Variants in EEPD1 observed in about 807,000 individuals in gnomAD.
EEPD1 encodes endonuclease/exonuclease/phosphatase family domain-containing protein 1.
In EEPD1, 17 loss-of-function variants were observed where a neutral mutation model predicts 46.3. The ratio of observed to expected loss-of-function variants is 0.37; its 90% CI spans 0.25 to 0.55. The LOEUF (loss-of-function observed/expected upper bound fraction) is 0.55, where lower values mean the gene tolerates loss of function less well. Ranked by LOEUF, EEPD1 falls within the 20% of genes least tolerant of loss-of-function variation. EEPD1 has a pLI of 0.83. For missense variants in EEPD1, 673 were observed against 745.6 expected (o/e 0.90, Z 1.13); for synonymous variants, 313 against 315.6 (o/e 0.99, Z 0.09).
At chr7:36,209,709 G>T (rs560525982) in intron 2 of EEPD1, among the ~76,000 whole-genome samples, 1 of 152,036 alleles carries the variant, frequency 6.6e-6, no homozygotes, top group Non-Finnish European at 1.5e-5. Context: ...GGCAGATCTC[G>T]CGTGAACTAC....
At chr7:36,183,940 G>A (rs759412) in intron 2 of EEPD1, among the ~76,000 whole-genome samples, 145,515 of 150,992 alleles carry the variant, frequency 0.96, 70,366 homozygotes, top group East Asian at 1. Context: ...ACAAACAGCC[G>A]CAAATTCTTT....
At chr7:36,287,447 C>G in intron 5 of EEPD1, 192 bp from the exon 6 acceptor site, 1 of 772,106 alleles carries the variant, frequency 1.3e-6, no homozygotes, top group Non-Finnish European at 2.0e-6. Context: ...CAAAATAGGC[C>G]TTGTTCCTGC....
chr7:36,286,229 C>G lies in EEPD1; in HGVS notation c.1176+1409C>G, dbSNP rs537478645. 3.9e-5 allele frequency among the ~76,000 whole-genome samples: 6 copies of G among 152,302 alleles called. No homozygotes were observed. In the East Asian group the frequency reaches 1.2e-3, roughly 29 times the overall value. On this transcript the variant is annotated intron_variant, in intron 5 of 7. Transcript: ENST00000242108. ...AGCCCCCTAAACAGGCACTTGGCCT[C>G]TTGTACTTCATGTCACATTATAGGC... is the stretch of plus-strand genomic sequence containing the variant.
At chr7:36,248,994 AACACACACACACACAC>A (rs71553052) in intron 3 of EEPD1, among the ~76,000 whole-genome samples, 1 of 135,350 alleles carries the variant, frequency 7.4e-6, no homozygotes, top group South Asian at 2.6e-4. Flanking sequence ...TGGTTCATTA[AACACACACACACACAC>A]ACACACACAC....
chr7:36,155,765 C>A (rs1228363699), intron 2 of EEPD1, among the ~76,000 whole-genome samples: 17 of 152,114 alleles, frequency 1.1e-4, no homozygotes, highest in Admixed American at 1.1e-3. Flanking sequence ...AAAATTGTAG[C>A]CCAAAATGTG....
intron 5 of EEPD1, among the ~76,000 whole-genome samples, chr7:36,285,303 C>G (rs1181135602): frequency 6.6e-6 from 1 of 152,186 alleles, no homozygotes; most frequent in Non-Finnish European, 1.5e-5. Flanking sequence ...TGAGGAGCCC[C>G]TTCTTATCGG....
At chr7:36,256,306 G>T (rs1232038436) in intron 3 of EEPD1, among the ~76,000 whole-genome samples, 2 of 152,184 alleles carry the variant, frequency 1.3e-5, no homozygotes, top group Non-Finnish European at 2.9e-5. Context: ...TATTGATTTG[G>T]GGTGGAGAGT....
intron 2 of EEPD1, among the ~76,000 whole-genome samples, chr7:36,178,427 C>A (rs76651536): frequency 0.015 from 2,325 of 152,208 alleles, 63 homozygotes; most frequent in African/African-American, 0.052. Context: ...CGGGGGCCCT[C>A]CCCCTACACC....
chr7:36,257,423 G>T (rs1786843894), intron 3 of EEPD1, among the ~76,000 whole-genome samples: 1 of 152,142 alleles, frequency 6.6e-6, no homozygotes, highest in Non-Finnish European at 1.5e-5. Flanking sequence ...TGTTTTCCAA[G>T]TTGGTTTCCA....
At chr7:36,186,472 A>G (rs1583795425) in intron 2 of EEPD1, among the ~76,000 whole-genome samples, 1 of 152,226 alleles carries the variant, frequency 6.6e-6, no homozygotes, top group Admixed American at 6.5e-5. Flanking sequence ...CACACCTTCC[A>G]TGGAAGTCTT....
chr7:36,161,492 C>T (rs1385659536), intron 2 of EEPD1, among the ~76,000 whole-genome samples: 1 of 151,968 alleles, frequency 6.6e-6, no homozygotes, highest in Non-Finnish European at 1.5e-5. Flanking sequence ...AGTGTAGTGG[C>T]ATAGTGACAA....
intron 3 of EEPD1, 114 bp downstream of exon 3, chr7:36,239,150 A>C: frequency 9.6e-7 from 1 of 1,037,454 alleles, no homozygotes; most frequent in South Asian, 1.4e-5. Context: ...ACGGTCAGTT[A>C]TTTTGTATTC....
intron 2 of EEPD1, among the ~76,000 whole-genome samples, chr7:36,234,761 C>A (rs559066804): frequency 6.6e-6 from 1 of 151,958 alleles, no homozygotes; most frequent in African/African-American, 2.4e-5. Flanking sequence ...AGAACCTGTG[C>A]GGGTTGCTGG....
intron 2 of EEPD1, among the ~76,000 whole-genome samples, chr7:36,208,135 C>G (rs1785855277): frequency 6.6e-6 from 1 of 152,122 alleles, no homozygotes; most frequent in South Asian, 2.1e-4. Context: ...GCCAACAGGA[C>G]CAGGTTACTT....
At chr7:36,198,818 G>A (rs73338926) in intron 2 of EEPD1, among the ~76,000 whole-genome samples, 184 of 152,062 alleles carry the variant, frequency 1.2e-3, no homozygotes, top group African/African-American at 4.1e-3. Context: ...TGCCAGCCAC[G>A]GTCACTCTGG....
chr7:36,203,057 AG>A (rs1785743200), intron 2 of EEPD1, among the ~76,000 whole-genome samples: 1 of 152,150 alleles, frequency 6.6e-6, no homozygotes, highest in Admixed American at 6.5e-5. Flanking sequence ...TTGACATGTC[AG>A]GGATAAGTGT....
At chr7:36,264,437 A>G (rs1032296520) in intron 3 of EEPD1, among the ~76,000 whole-genome samples, 8 of 152,194 alleles carry the variant, frequency 5.3e-5, no homozygotes, top group African/African-American at 1.9e-4. Context: ...GCACAGAGCC[A>G]TCACATGGAC....
At chr7:36,211,925 C>CAA (rs34244121) in intron 2 of EEPD1, among the ~76,000 whole-genome samples, 3 of 107,080 alleles carry the variant, frequency 2.8e-5, no homozygotes, top group Non-Finnish European at 6.2e-5. Flanking sequence ...GACTCCATCT[C>CAA]AAAAAAAAAA....
intron 2 of EEPD1, among the ~76,000 whole-genome samples, chr7:36,196,981 G>A (rs1423718616): frequency 1.3e-5 from 2 of 151,132 alleles, no homozygotes; most frequent in African/African-American, 4.9e-5. Context: ...GTCTCTGCCC[G>A]GCCCCCCATC....
Sources: allele counts gnomAD v4.1 joint callset (sites outside exome capture counted in the v4.1 genomes callset), GRCh38; gene constraint gnomAD v4.1.1; transcripts MANE v1.5; gene names NCBI Gene and HGNC (gene_info 2026-07-23, HGNC 2026-07-21).